The following UGGT1 variants were observed in gnomAD, a reference collection of about 807,000 sequenced individuals.
UGGT1 encodes UDP-glucose glycoprotein glucosyltransferase 1, also known as UDP-glucose:glycoprotein glucosyltransferase 1.
In UGGT1, 107 loss-of-function variants were observed where a neutral mutation model predicts 203.9. The ratio of observed to expected loss-of-function variants is 0.52; its 90% CI spans 0.45 to 0.62. The LOEUF is 0.62. Among genes scored for constraint, UGGT1 ranks in the 20% least tolerant of loss-of-function variants. The pLI, the probability that UGGT1 is intolerant of heterozygous loss-of-function variation, is 0.00. For synonymous variants in UGGT1, 628 were observed against 653.5 expected (o/e 0.96, Z 0.59); for missense variants, 1,673 against 1,867.2 (o/e 0.90, Z 1.92).
At chr2:128,130,377 A>G (rs576111457) in intron 13 of UGGT1, among the ~76,000 whole-genome samples, 24 of 152,268 alleles carry the variant, frequency 1.6e-4, no homozygotes, top group Non-Finnish European at 2.9e-4. Flanking sequence ...TACTGCATTC[A>G]TTTTAGAAAA....
Position 128,184,050 on chromosome 2 carries a change from C to T in UGGT1, c.4359+261C>T, listed in dbSNP as rs539941947. 2.6e-5 allele frequency among the ~76,000 whole-genome samples: 4 copies of T among 152,166 alleles called. No homozygotes were observed. In the East Asian group the frequency reaches 7.7e-4, roughly 29 times the overall value. On this transcript the variant is annotated intron_variant, in intron 38 of 40. Coordinates refer to ENST00000259253, the MANE Select transcript of UGGT1 (RefSeq NM_020120.4). ...GAGAGATGGAAGGAGAATGCTGCCT[C>T]TCTGAACCATTAGCATATCTTTGTA... is the stretch of plus-strand genomic sequence containing the variant.
In UGGT1 at chr2:128,147,839, G is replaced by A. The variant is rs1395797384; in HGVS notation, c.2016+1872G>A. 5.9e-5 allele frequency among the ~76,000 whole-genome samples: 9 copies of A among 152,182 alleles called. No individual in the cohort carries two copies. The East Asian group carries it at 9.7e-4, about 16-fold the overall frequency. The stretch of plus-strand genomic sequence containing the variant: ...GTTGCCCAGGCAGGTCTCAGGTCGC[G>A]AACTCCTGGGCCCAAGTGATCTTTC... On this transcript the variant is annotated intron_variant, in intron 18 of 40. Transcript: ENST00000259253.
At chr2:128,161,320 C>T in intron 25 of UGGT1, 52 bp downstream of exon 25, 1 of 1,589,058 alleles carries the variant, frequency 6.3e-7, no homozygotes, top group South Asian at 1.1e-5. Context: ...GGACTTTCCT[C>T]ATTGATCAGT....
chr2:128,154,389 C>T (rs1226948264), intron 19 of UGGT1, among the ~76,000 whole-genome samples: 3 of 152,168 alleles, frequency 2.0e-5, no homozygotes, highest in African/African-American at 7.2e-5. Context: ...TGAAACAGTG[C>T]TAGTCCACAG....
chr2:128,183,899 G>GT, intron 38 of UGGT1, 110 bp downstream of exon 38: 1 of 593,754 alleles, frequency 1.7e-6, no homozygotes, highest in East Asian at 3.8e-5. Flanking sequence ...ATGGCGTCTT[G>GT]TTTTTTCATG....
At chr2:128,173,191 C>G (rs1398604671) in intron 29 of UGGT1, among the ~76,000 whole-genome samples, 1 of 152,212 alleles carries the variant, frequency 6.6e-6, no homozygotes, top group Non-Finnish European at 1.5e-5. Context: ...TCCATCCATG[C>G]TGTAGTATGT....
rs1232374637 is a variant in UGGT1, at chr2:128,180,987, G to A, written c.3998G>A (p.Arg1333His). 6.2e-6 allele frequency: 10 copies of A among 1,614,136 alleles called. No homozygotes were observed. Among genetic ancestry groups the A allele is most frequent in the Admixed American group, 3.3e-5 (2 of 60,018 alleles). The change falls in exon 36 of 41, where the codon CGT becomes CAT. Residue 1333 changes from arginine (R) to histidine (H), a missense_variant. Physicochemically the swap from Arg to His is conservative, Grantham distance 29. Around this residue, in one of 4 missense-constraint regions of UGGT1, gnomAD observed 513 missense variants for 684.1 expected, o/e 0.75. Coordinates refer to ENST00000259253, the MANE Select transcript of UGGT1 (RefSeq NM_020120.4). Reference protein sequence around the residue: ...RWLHQQTEKQRIIWGYKILFL... With the variant: ...RWLHQQTEKQHIIWGYKILFL... ...CTTCATCAACAAACTGAAAAACAGC[G>A]TATCATCTGGGGTTACAAGATCCTC...
Position 128,164,768 on chromosome 2 carries a change from C to A in UGGT1, c.2864C>A (p.Ser955Ter). 2 of 1,613,440 alleles carry A rather than the reference C, an allele frequency of 1.2e-6. No individual in the cohort carries two copies. The highest frequency in any genetic ancestry group is 1.7e-6 in the Non-Finnish European group (2 of 1,179,700). Reference sequence around the variant, plus strand: ...GTAATGAAGGTGGATGCTCTTCTGTCAGCGCAACCAAAAGGAGATCCAAGA... The same window carrying A: ...GTAATGAAGGTGGATGCTCTTCTGTAAGCGCAACCAAAAGGAGATCCAAGA... ...DLVMKVDALLSAQPKGDPRIE... is the reference protein window; with the variant it reads ...DLVMKVDALL The change falls in exon 26 of 41, where the codon TCA (serine) becomes TAA (stop). Residue 955 changes from serine (S) to a stop codon, truncating the protein, a stop_gained. Coordinates refer to ENST00000259253, the MANE Select transcript of UGGT1 (RefSeq NM_020120.4). LOFTEE classifies it high-confidence loss of function.
chr2:128,095,406 C>T (rs1558743608), intron 1 of UGGT1, among the ~76,000 whole-genome samples: 1 of 146,318 alleles, frequency 6.8e-6, no homozygotes. Flanking sequence ...CCTTCCCCTT[C>T]CCCTTTACCT....
chr2:128,140,703 G>A (rs1250152112), intron 16 of UGGT1, among the ~76,000 whole-genome samples: 4 of 152,078 alleles, frequency 2.6e-5, no homozygotes, highest in Admixed American at 2.6e-4. Context: ...TTTAGAGACA[G>A]GATCTCACTG....
chr2:128,134,047 C>G (rs988947735), intron 14 of UGGT1, among the ~76,000 whole-genome samples: 16 of 151,832 alleles, frequency 1.1e-4, no homozygotes, highest in African/African-American at 3.6e-4. Context: ...TTCTTCCCCC[C>G]ACTCCCGCAG....
rs567921401 is a variant in UGGT1, at chr2:128,182,077, G to T, written c.4084-53G>T. ...AGCCACTCTGTATCTGAAGGAAACC[G>T]CATTAGAGCTGTCTGCATGGTTGCT... On this transcript the variant is annotated intron_variant, in intron 36 of 40. Coordinates refer to ENST00000259253, the MANE Select transcript of UGGT1 (RefSeq NM_020120.4). 6 of 1,577,302 alleles carry T rather than the reference G, an allele frequency of 3.8e-6. No homozygotes were observed. In the African/African-American group the frequency reaches 4.0e-5, roughly 11 times the overall value.
chr2:128,185,527 G>A (rs1256275085), intron 38 of UGGT1, among the ~76,000 whole-genome samples: 2 of 144,296 alleles, frequency 1.4e-5, no homozygotes, highest in African/African-American at 5.3e-5. Flanking sequence ...AGGCTGGAGT[G>A]CAGTGATGCG....
At chr2:128,127,848 C>T (rs1333093007) in intron 12 of UGGT1, among the ~76,000 whole-genome samples, 1 of 152,066 alleles carries the variant, frequency 6.6e-6, no homozygotes, top group South Asian at 2.1e-4. Context: ...CTGAGGCCGG[C>T]GGATCACTTG....
intron 3 of UGGT1, among the ~76,000 whole-genome samples, chr2:128,107,435 A>C (rs1305423057): frequency 6.6e-6 from 1 of 152,210 alleles, no homozygotes; most frequent in Admixed American, 6.5e-5. Flanking sequence ...ACCATATGCT[A>C]GGCATCATGG....
At chr2:128,116,481 C>G (rs1006207950) in intron 8 of UGGT1, 138 bp downstream of exon 8, 2 of 571,594 alleles carry the variant, frequency 3.5e-6, no homozygotes, top group Non-Finnish European at 3.1e-6. Context: ...TGCAATCCTA[C>G]GTGGAGAGTC....
At chr2:128,112,120 T>C (rs542018703) in intron 5 of UGGT1, among the ~76,000 whole-genome samples, 67 of 150,526 alleles carry the variant, frequency 4.5e-4, no homozygotes, top group Non-Finnish European at 8.6e-4. Flanking sequence ...AAATATAACA[T>C]AATATAACAT....
intron 1 of UGGT1, among the ~76,000 whole-genome samples, chr2:128,094,344 T>C (rs2105325338): frequency 6.6e-6 from 1 of 152,332 alleles, no homozygotes; most frequent in East Asian, 1.9e-4. Context: ...TTTGAGGCTA[T>C]TTAATAACGA....
intron 28 of UGGT1, 109 bp downstream of exon 28, chr2:128,171,393 A>G: frequency 9.8e-7 from 1 of 1,022,846 alleles, no homozygotes; most frequent in Non-Finnish European, 1.4e-6. Flanking sequence ...CATGTTTGAA[A>G]TGGTCATTTA....
Sources: allele counts gnomAD v4.1 joint callset (sites outside exome capture counted in the v4.1 genomes callset), GRCh38; gene constraint gnomAD v4.1.1; regional missense constraint gnomAD v4.1.1; transcripts MANE v1.5; gene names NCBI Gene and HGNC (gene_info 2026-07-23, HGNC 2026-07-21).